Variants in IDNK observed in about 807,000 individuals in gnomAD.
IDNK encodes the protein gluconokinase.
A neutral mutation model predicts 13.0 loss-of-function variants in IDNK; 9 were observed. The observed-to-expected ratio is 0.69, with a 90% CI of 0.42 to 1.21. The LOEUF is 1.21. IDNK is among the 50% of genes most tolerant of loss of function. The pLI is 0.00. For missense variants in IDNK, 210 were observed against 237.8 expected, an observed-to-expected ratio of 0.88 and a Z score of 0.77; for synonymous variants, 92 against 94.9, an observed-to-expected ratio of 0.97 and a Z score of 0.18.
intron 3 of IDNK, among the ~76,000 whole-genome samples, chr9:83,634,837 A>G (rs1831121220): frequency 6.6e-6 from 1 of 152,228 alleles, no homozygotes; most frequent in Non-Finnish European, 1.5e-5. Flanking sequence ...CATTATGAAC[A>G]TTTACTCGTG....
chr9:83,623,079 C>A, upstream of IDNK: 1 of 1,060,920 alleles, frequency 9.4e-7, no homozygotes, highest in South Asian at 2.1e-5. Context: ...CTCACTGCCC[C>A]GGCCGGGGCG....
At chr9:83,641,715 C>A in intron 4 of IDNK, 124 bp downstream of exon 4, 1 of 963,424 alleles carries the variant, frequency 1.0e-6, no homozygotes, top group Non-Finnish European at 1.6e-6. Context: ...ATTCTAGAAA[C>A]TGGCTGCACT....
At chr9:83,623,378 T>C (rs1830756348) in intron 1 of IDNK, 157 bp downstream of exon 1, 2 of 700,758 alleles carry the variant, frequency 2.9e-6, no homozygotes, top group Non-Finnish European at 4.6e-6. Flanking sequence ...TGCCGCGCCC[T>C]CTCCCCGCCC....
chr9:83,623,305 G>A (rs948242680), intron 1 of IDNK, 84 bp downstream of exon 1: 3 of 1,241,070 alleles, frequency 2.4e-6, no homozygotes, highest in Non-Finnish European at 3.2e-6. Context: ...CCCTGCCGGT[G>A]GACTGGGGTC....
At chr9:83,633,470 T>C (rs948402150) in intron 3 of IDNK, among the ~76,000 whole-genome samples, 6 of 152,356 alleles carry the variant, frequency 3.9e-5, no homozygotes, top group African/African-American at 1.4e-4. Context: ...CCTCTTCTCT[T>C]TGAGGACAGG....
In IDNK at chr9:83,641,900, C is replaced by T. The variant is rs577407764; in HGVS notation, c.212+309C>T. On this transcript the variant is annotated intron_variant, in intron 4 of 4. Coordinates refer to ENST00000376419, the MANE Select transcript of IDNK (RefSeq NM_001001551.4). ...AGTAAAATGGGAATTAATATAGTTC[C>T]TACTCACAGATTTTTGTAAGGAATA... 1.3e-4 allele frequency among the ~76,000 whole-genome samples: 20 copies of T among 152,324 alleles called. No homozygotes were observed. The South Asian group carries it at 4.1e-3, about 32-fold the overall frequency.
chr9:83,623,504 G>A (rs1174620888), intron 1 of IDNK: 2 of 408,222 alleles, frequency 4.9e-6, no homozygotes, highest in Non-Finnish European at 8.8e-6. Flanking sequence ...TCCTGAACAG[G>A]CGGCTGCGGG....
chr9:83,628,933 G>A lies in IDNK; in HGVS notation c.142G>A (p.Gly48Arg), dbSNP rs539693261. The change falls in exon 3 of 5, where the codon GGA becomes AGA. Residue 48 changes from glycine to arginine, a missense_variant. Physicochemically the swap from Gly to Arg is moderately radical, Grantham distance 125 (BLOSUM62 -2). Transcript: ENST00000376419. ...CCCGGAGGAAAATCGAAGGAAGATGGGAAAAGGCATACCGCTCAATGACCA... is the reference window on the plus strand; with the variant it reads ...CCCGGAGGAAAATCGAAGGAAGATGAGAAAAGGCATACCGCTCAATGACCA... ...YHPEENRRKM[G>R]KGIPLNDQDR... 2 of 1,613,932 alleles carry A rather than the reference G, an allele frequency of 1.2e-6. No individual in the cohort carries two copies. The highest frequency in any genetic ancestry group is 2.2e-5 in the South Asian group (2 of 91,080).
chr9:83,640,600 G>C (rs1225331069), intron 3 of IDNK, among the ~76,000 whole-genome samples: 8 of 152,210 alleles, frequency 5.3e-5, no homozygotes, highest in Non-Finnish European at 2.9e-5. Flanking sequence ...CCAGAACTTT[G>C]GGAGGCCAAG....
intron 3 of IDNK, among the ~76,000 whole-genome samples, chr9:83,638,157 T>C (rs1831212782): frequency 1.3e-5 from 2 of 151,822 alleles, no homozygotes; most frequent in South Asian, 4.1e-4. Flanking sequence ...CTATAAACTA[T>C]ATGGGAAAAT....
At position 83,643,737 on chromosome 9, in the gene IDNK, CAG is replaced by C. The variant is rs540611979; in HGVS notation, c.525_526del (p.Glu175AspfsTer25). The stretch of plus-strand genomic sequence containing the variant: ...CAAATAAGTGTGGACAAAAATGTTT[CAG>C]AGATAATTGCTACAATTATGGAAAC... On this transcript the variant is annotated frameshift_variant, in exon 5 of 5. Coordinates refer to ENST00000376419, the MANE Select transcript of IDNK (RefSeq NM_001001551.4). LOFTEE classifies it low-confidence loss of function (END_TRUNC). 4.6e-4 allele frequency: 748 copies of C among 1,613,064 alleles called. 8 individuals are homozygous for C. In the African/African-American group the frequency reaches 8.3e-3, roughly 18 times the overall value.
chr9:83,629,621 A>G (rs569890978), intron 3 of IDNK, among the ~76,000 whole-genome samples: 2 of 152,052 alleles, frequency 1.3e-5, no homozygotes, highest in East Asian at 3.9e-4. Context: ...TCATCCTTTG[A>G]TCTCAGCACC....
chr9:83,643,676 A>G lies in IDNK; in HGVS notation c.460A>G (p.Thr154Ala), dbSNP rs781341586. ...TGAATTATTGCAGTCCCAGTTTGAG[A>G]CTCTGGAGCCCCCAGCAGCTCCAGA... ...PPELLQSQFE[T>A]LEPPAAPENF... The change falls in exon 5 of 5, where the codon ACT becomes GCT. Residue 154 changes from threonine (T) to alanine (A), a missense_variant. Thr to Ala is a moderately conservative substitution (Grantham distance 58). Transcript: ENST00000376419. 1 of 1,613,722 alleles carries G rather than the reference A, an allele frequency of 6.2e-7. No individual in the cohort carries two copies. Among genetic ancestry groups the G allele is most frequent in the African/African-American group, 1.3e-5 (1 of 74,782 alleles).
intron 3 of IDNK, among the ~76,000 whole-genome samples, chr9:83,639,441 A>T (rs1029794984): frequency 1.9e-4 from 29 of 152,248 alleles, no homozygotes; most frequent in Admixed American, 1.5e-3. Context: ...GTGAAAACAA[A>T]CTGGGCACAT....
chr9:83,635,108 C>T (rs1831128873), intron 3 of IDNK, among the ~76,000 whole-genome samples: 1 of 152,204 alleles, frequency 6.6e-6, no homozygotes, highest in Non-Finnish European at 1.5e-5. Context: ...TTGGAAAAGG[C>T]TGGTTGACTA....
In IDNK at chr9:83,641,587, CTAAGG is replaced by C. The variant is rs1459197274; in HGVS notation, c.212+1_212+5del. ...GCTCTGTAACTTGCATGACATTTTA[CTAAGG>C]TAAGAGACCACCAGGCCTTGGCATA... On this transcript the variant is annotated splice_donor_variant and coding_sequence_variant, in exon 4 of 5. Coordinates refer to ENST00000376419, the MANE Select transcript of IDNK (RefSeq NM_001001551.4). LOFTEE classifies it high-confidence loss of function. The C allele has an allele frequency of 6.2e-7, 1 of 1,613,968 alleles. No homozygotes were observed. The highest frequency in any genetic ancestry group is 8.5e-7 in the Non-Finnish European group (1 of 1,180,012).
Position 83,623,144 on chromosome 9 carries a change from G to A in IDNK, c.-28G>A. 1 of 1,412,904 alleles carries A rather than the reference G, an allele frequency of 7.1e-7. No homozygotes were observed. Among genetic ancestry groups the A allele is most frequent in the Non-Finnish European group, 9.2e-7 (1 of 1,089,556 alleles). The allele number at this position is 1,412,904 out of a possible 1,614,324, so 87.5% of individuals were successfully genotyped here. On this transcript the variant is annotated 5_prime_UTR_variant, in exon 1 of 5. Transcript: ENST00000376419. ...AGGCCGGGGCCGGCGGGGCCCGGAAGGCGACGGGAAGGAGCCGAGCTTGGG... is the reference window on the plus strand; with the variant it reads ...AGGCCGGGGCCGGCGGGGCCCGGAAAGCGACGGGAAGGAGCCGAGCTTGGG...
chr9:83,632,900 C>T (rs544910389), intron 3 of IDNK, among the ~76,000 whole-genome samples: 52 of 152,208 alleles, frequency 3.4e-4, no homozygotes, highest in Non-Finnish European at 7.2e-4. Flanking sequence ...TCCCCCCTTT[C>T]TTCATTATGA....
chr9:83,635,727 A>AG (rs925217059), intron 3 of IDNK, among the ~76,000 whole-genome samples: 1 of 152,248 alleles, frequency 6.6e-6, no homozygotes, highest in African/African-American at 2.4e-5. Flanking sequence ...CCAAGTCCTT[A>AG]GGAAAGCACC....
Sources: allele counts gnomAD v4.1 joint callset (sites outside exome capture counted in the v4.1 genomes callset), GRCh38; gene constraint gnomAD v4.1.1; transcripts MANE v1.5; gene names NCBI Gene and HGNC (gene_info 2026-07-23, HGNC 2026-07-21).